DMD: variants seen among roughly 807,000 people sequenced by gnomAD.
The protein encoded by DMD is dystrophin.
Under a neutral mutation model 330.1 loss-of-function variants are expected in DMD, and 63 were observed. The observed-to-expected ratio is 0.19, with a 90% CI of 0.16 to 0.24. DMD has a LOEUF of 0.24. Ranked by LOEUF, DMD falls within the 10% of genes least tolerant of loss-of-function variation. DMD has a pLI of 1.00. For synonymous variants in DMD, 1,223 were observed against 959.8 expected (o/e 1.27, Z -5.07); for missense variants, 3,344 against 2,684.1 (o/e 1.25, Z -5.43).
chrX:33,232,704 AAC>A (rs2052409084), intron 1 of DMD, among the ~76,000 whole-genome samples: 1 of 111,424 alleles, frequency 9.0e-6, no homozygotes, highest in African/African-American at 3.3e-5. Flanking sequence ...CAGCATGGTC[AAC>A]ATGTTGAAAC....
chrX:32,804,576 G>T (rs963876531), intron 7 of DMD, among the ~76,000 whole-genome samples: 1 of 112,407 alleles, frequency 8.9e-6, no homozygotes, highest in East Asian at 2.8e-4. Flanking sequence ...CTTGCCTGCC[G>T]GCTCTGAAGA....
At chrX:32,075,200 T>A (rs1043458990) in intron 44 of DMD, among the ~76,000 whole-genome samples, 5 of 112,225 alleles carry the variant, frequency 4.5e-5, no homozygotes, top group African/African-American at 1.6e-4. Flanking sequence ...TAAGTAAATA[T>A]GTATTCTCTC....
rs748974113 is a variant in DMD, at chrX:31,679,406, T to C, written c.7841A>G (p.Asp2614Gly). The change falls in exon 53 of 79, where the codon GAT becomes GGT. Residue 2614 changes from aspartate to glycine, a missense_variant. By Grantham distance (94) the Asp-to-Gly change is moderately conservative (BLOSUM62 -1). Coordinates refer to ENST00000357033, the MANE Select transcript of DMD (RefSeq NM_004006.3). ...TTCTGTGATTTTCTTTTGGATTGCA[T>C]CTACTGTATAGGGACCCTCCTTCCA... ...ESWKEGPYTV[D>G]AIQKKITETK... 5.0e-6 allele frequency: 6 copies of C among 1,210,670 alleles called. No individual in the cohort carries two copies. In the Admixed American group the frequency reaches 1.3e-4, roughly 26 times the overall value.
intron 51 of DMD, among the ~76,000 whole-genome samples, chrX:31,768,253 A>G (rs955492476): frequency 9.0e-6 from 1 of 111,031 alleles, no homozygotes; most frequent in African/African-American, 3.3e-5. Context: ...TCTAAATTCT[A>G]TTTGTTGATA....
intron 1 of DMD, among the ~76,000 whole-genome samples, chrX:33,218,166 G>A (rs2052092966): frequency 9.0e-6 from 1 of 111,079 alleles, no homozygotes; most frequent in Non-Finnish European, 1.9e-5. Flanking sequence ...TTTGTCAAAC[G>A]TTTTTTCCCC....
At chrX:31,477,638 G>A (rs2067885298) in intron 59 of DMD, among the ~76,000 whole-genome samples, 1 of 110,869 alleles carries the variant, frequency 9.0e-6, no homozygotes, top group South Asian at 3.9e-4. Flanking sequence ...GCCTTCCAAG[G>A]GAAGGGCAAC....
At chrX:32,499,332 T>A (rs2043810593) in intron 19 of DMD, among the ~76,000 whole-genome samples, 1 of 111,961 alleles carries the variant, frequency 8.9e-6, no homozygotes, top group Non-Finnish European at 1.9e-5. Flanking sequence ...ATTTTTACAC[T>A]ATGAATATAT....
At chrX:32,262,937 T>A (rs1332674575) in intron 43 of DMD, among the ~76,000 whole-genome samples, 1 of 111,683 alleles carries the variant, frequency 9.0e-6, no homozygotes, top group Non-Finnish European at 1.9e-5. Context: ...TGCATCATCA[T>A]TCAACTCCTC....
intron 44 of DMD, among the ~76,000 whole-genome samples, chrX:32,015,471 A>AC (rs1191350381): frequency 9.0e-6 from 1 of 110,675 alleles, no homozygotes; most frequent in East Asian, 2.9e-4. Flanking sequence ...GCCGGGCTAC[A>AC]CCCCCTAGAG....
At chrX:31,488,100 G>A (rs952280987) in intron 57 of DMD, among the ~76,000 whole-genome samples, 2 of 111,599 alleles carry the variant, frequency 1.8e-5, no homozygotes, top group Admixed American at 1.9e-4. Context: ...ATAGTTTACT[G>A]CGCACACAGC....
chrX:33,082,085 T>A (rs1603250704), intron 1 of DMD, among the ~76,000 whole-genome samples: 1 of 108,314 alleles, frequency 9.2e-6, no homozygotes, highest in Non-Finnish European at 1.9e-5. Context: ...GACAAAAAAA[T>A]TAAAAAAGAG....
chrX:32,826,402 C>G (rs1377708999), intron 4 of DMD, among the ~76,000 whole-genome samples: 1 of 111,470 alleles, frequency 9.0e-6, no homozygotes, highest in East Asian at 2.8e-4. Flanking sequence ...TATTGTAGTG[C>G]TACTCAAAAT....
chrX:31,799,986 G>A (rs1286707015), intron 50 of DMD, among the ~76,000 whole-genome samples: 1 of 112,894 alleles, frequency 8.9e-6, no homozygotes, highest in Non-Finnish European at 1.9e-5. Flanking sequence ...ATGGCCTTGG[G>A]CAGCTCTGCC....
intron 44 of DMD, among the ~76,000 whole-genome samples, chrX:32,190,940 T>C (rs1032553922): frequency 6.4e-5 from 7 of 109,786 alleles, no homozygotes; most frequent in Admixed American, 9.9e-5. Flanking sequence ...TCTGTACCTC[T>C]CTTGTTGGGA....
Position 31,898,306 on chromosome X carries a change from G to A in DMD, c.6913-22933C>T, listed in dbSNP as rs111537307. 8.4e-3 allele frequency among the ~76,000 whole-genome samples: 924 copies of A among 109,473 alleles called. 6 individuals carry two copies. The highest frequency in any genetic ancestry group is 0.029 in the African/African-American group (857 of 29,957). ...ATGGAACCAAAAAAGAGCCCGCATC[G>A]CCAAGTCAATCCTGAGCCAAAAGAA... On this transcript the variant is annotated intron_variant, in intron 47 of 78. Transcript: ENST00000357033.
intron 45 of DMD, among the ~76,000 whole-genome samples, chrX:31,967,299 T>TGG (rs2095359145): frequency 1.1e-4 from 1 of 8,709 alleles, no homozygotes; most frequent in Non-Finnish European, 1.9e-4. Flanking sequence ...TGGCAAGGGG[T>TGG]GTGTGTGTGT....
chrX:31,725,911 G>C (rs1422081441), intron 52 of DMD, among the ~76,000 whole-genome samples: 3 of 112,423 alleles, frequency 2.7e-5, no homozygotes, highest in Non-Finnish European at 5.6e-5. Context: ...ATGCCTTGCA[G>C]TATTAACAGA....
At chrX:32,526,235 G>A (rs1486946612) in intron 17 of DMD, among the ~76,000 whole-genome samples, 1 of 111,718 alleles carries the variant, frequency 9.0e-6, no homozygotes, top group Non-Finnish European at 1.9e-5. Context: ...TTCACAAAAT[G>A]ATTATTTCTA....
At chrX:31,869,994 T>A (rs1046522591) in intron 48 of DMD, among the ~76,000 whole-genome samples, 1 of 111,543 alleles carries the variant, frequency 9.0e-6, no homozygotes, top group African/African-American at 3.3e-5. Context: ...ATCTCCTTCA[T>A]GAAATGTCTG....
Sources: allele counts gnomAD v4.1 joint callset (sites outside exome capture counted in the v4.1 genomes callset), GRCh38; gene constraint gnomAD v4.1.1; transcripts MANE v1.5; gene names NCBI Gene and HGNC (gene_info 2026-07-23, HGNC 2026-07-21).